Variants in FRMD4A observed in about 807,000 individuals in gnomAD.
FRMD4A encodes the protein FERM domain containing 4A.
FRMD4A carries 29 observed loss-of-function variants against 129.1 expected under a neutral mutation model. The ratio of observed to expected loss-of-function variants is 0.22; its 90% CI spans 0.17 to 0.31. The LOEUF is 0.31. Ranked by LOEUF, FRMD4A falls within the 10% of genes least tolerant of loss-of-function variation. FRMD4A has a pLI of 1.00. For synonymous variants in FRMD4A, 634 were observed against 571.6 expected, an observed-to-expected ratio of 1.11 and a Z score of -1.56; for missense variants, 1,272 against 1,375.8, an observed-to-expected ratio of 0.92 and a Z score of 1.19.
intron 9 of FRMD4A, among the ~76,000 whole-genome samples, chr10:13,740,823 G>GTTTTTTTTTTTT (rs369798483): frequency 2.9e-5 from 3 of 105,108 alleles, no homozygotes; most frequent in African/African-American, 3.9e-5. Flanking sequence ...TGTCTTGGAT[G>GTTTTTTTTTTTT]TTTGTTTTTT....
At chr10:13,690,505 T>G (rs1196933178) in intron 15 of FRMD4A, among the ~76,000 whole-genome samples, 1 of 152,226 alleles carries the variant, frequency 6.6e-6, no homozygotes, top group African/African-American at 2.4e-5. Context: ...CCCCCCACTG[T>G]CTTGGCCCTC....
intron 17 of FRMD4A, among the ~76,000 whole-genome samples, 170 bp downstream of exon 17, chr10:13,670,236 A>G (rs2083404363): frequency 6.6e-6 from 1 of 152,112 alleles, no homozygotes; most frequent in Admixed American, 6.5e-5. Context: ...AACTACTCCT[A>G]CCGAGGGGAA....
At chr10:14,082,471 C>A (rs543807860) in intron 2 of FRMD4A, among the ~76,000 whole-genome samples, 1 of 152,088 alleles carries the variant, frequency 6.6e-6, no homozygotes, top group Non-Finnish European at 1.5e-5. Context: ...GAGGGGTAGA[C>A]ATTGAGGATC....
chr10:14,008,777 T>C (rs2095671222), intron 2 of FRMD4A, among the ~76,000 whole-genome samples: 1 of 152,166 alleles, frequency 6.6e-6, no homozygotes, highest in Non-Finnish European at 1.5e-5. Flanking sequence ...TTTGAAATCA[T>C]AAATTCTATC....
rs2082542673 is a variant in FRMD4A, at chr10:13,660,367, A to G, written c.1847T>C (p.Leu616Ser). The G allele has an allele frequency of 6.2e-7, 1 of 1,613,970 alleles. No homozygotes were observed. Among genetic ancestry groups the G allele is most frequent in the Admixed American group, 1.7e-5 (1 of 60,008 alleles). The change falls in exon 20 of 25, where the codon TTA becomes TCA. Residue 616 changes from leucine (L) to serine (S), a missense_variant. By Grantham distance (145) the Leu-to-Ser change is moderately radical. This residue lies in a region of FRMD4A where 972 missense variants were observed against 892.3 expected (regional missense o/e 1.09). Transcript: ENST00000357447. ...CTTGACCTTCTCATAGGGTTCATCT[A>G]AAGAGGACTCACTCCACATTTTGGG... ...IKPKMWSESSLDEPYEKVKKR... is the reference protein window; with the variant it reads ...IKPKMWSESSSDEPYEKVKKR...
At chr10:14,266,667 G>GA (rs911118575) in intron 2 of FRMD4A, among the ~76,000 whole-genome samples, 2 of 152,076 alleles carry the variant, frequency 1.3e-5, no homozygotes, top group Non-Finnish European at 2.9e-5. Flanking sequence ...AATGGGAGGA[G>GA]AAAAAATCAT....
At chr10:13,681,221 T>C (rs2084550432) in intron 15 of FRMD4A, among the ~76,000 whole-genome samples, 1 of 152,208 alleles carries the variant, frequency 6.6e-6, no homozygotes, top group Non-Finnish European at 1.5e-5. Context: ...CTGCTCTCAT[T>C]TCAGTTACTG....
At chr10:14,125,930 G>A (rs1589029926) in intron 2 of FRMD4A, among the ~76,000 whole-genome samples, 1 of 150,754 alleles carries the variant, frequency 6.6e-6, no homozygotes. Flanking sequence ...TATGATAGAA[G>A]CAAACAAAAG....
chr10:14,280,982 ATTTTT>A (rs772555677), intron 2 of FRMD4A, among the ~76,000 whole-genome samples: 1,244 of 76,550 alleles, frequency 0.016, 18 homozygotes, highest in Middle Eastern at 0.032. Flanking sequence ...ACTGGTTTCA[ATTTTT>A]TTTTTTTTTT....
intron 2 of FRMD4A, among the ~76,000 whole-genome samples, chr10:13,947,420 A>G (rs769157091): frequency 1.2e-4 from 19 of 152,142 alleles, no homozygotes; most frequent in Non-Finnish European, 2.1e-4. Flanking sequence ...TGCAGAGTCC[A>G]CTGACTTAAA....
intron 2 of FRMD4A, among the ~76,000 whole-genome samples, chr10:14,096,081 A>G (rs925695916): frequency 5.9e-5 from 9 of 152,254 alleles, no homozygotes; most frequent in African/African-American, 2.2e-4. Context: ...GTTCCCCTCC[A>G]AAATTCATAT....
At chr10:14,251,733 C>T (rs1032612811) in intron 2 of FRMD4A, among the ~76,000 whole-genome samples, 8 of 152,164 alleles carry the variant, frequency 5.3e-5, no homozygotes, top group African/African-American at 1.9e-4. Context: ...GAGCCAGATT[C>T]CTGGGAGTTC....
chr10:13,958,866 C>G (rs978053872), intron 2 of FRMD4A, among the ~76,000 whole-genome samples: 1 of 152,006 alleles, frequency 6.6e-6, no homozygotes, highest in South Asian at 2.1e-4. Context: ...ATTACAGGCA[C>G]GAGCCACCGT....
chr10:14,196,961 T>A (rs987226853), intron 2 of FRMD4A, among the ~76,000 whole-genome samples: 3 of 152,174 alleles, frequency 2.0e-5, no homozygotes, highest in Non-Finnish European at 4.4e-5. Context: ...ATGTCAATAG[T>A]CTGAGGCCAG....
At chr10:14,096,270 G>T (rs1045710791) in intron 2 of FRMD4A, among the ~76,000 whole-genome samples, 1 of 152,164 alleles carries the variant, frequency 6.6e-6, no homozygotes, top group East Asian at 1.9e-4. Flanking sequence ...TGAGAAACGG[G>T]CCCTCACCAG....
In FRMD4A at chr10:13,657,411, C is replaced by T. The variant is rs2082259219; in HGVS notation, c.2178G>A (p.Gly726=). ...GKLLGSENDT[G]SPDFYTPRTR... ...TCCGCGGGGTGTAGAAGTCGGGGCT[C>T]CCGGTGTCGTTTTCCGAGCCCAGGA... The change falls in exon 22 of 25, where the codon GGG becomes GGA. Residue 726 remains glycine, a synonymous_variant. Coordinates refer to ENST00000357447, the MANE Select transcript of FRMD4A (RefSeq NM_018027.5). The T allele has an allele frequency of 2.5e-6, 4 of 1,612,882 alleles. No homozygotes were observed. The highest frequency in any genetic ancestry group is 1.6e-4 in the Middle Eastern group (1 of 6,080).
At chr10:14,234,340 C>T (rs769026749) in intron 2 of FRMD4A, among the ~76,000 whole-genome samples, 2 of 152,200 alleles carry the variant, frequency 1.3e-5, no homozygotes, top group African/African-American at 4.8e-5. Context: ...ATCACACTGA[C>T]CAAAACATCA....
At chr10:13,816,103 T>C (rs559260937) in intron 3 of FRMD4A, among the ~76,000 whole-genome samples, 1 of 152,366 alleles carries the variant, frequency 6.6e-6, no homozygotes, top group Non-Finnish European at 1.5e-5. Flanking sequence ...TTATATCTTT[T>C]GTTAAAAAAT....
At chr10:13,904,145 T>C (rs1426687487) in intron 2 of FRMD4A, among the ~76,000 whole-genome samples, 5 of 152,202 alleles carry the variant, frequency 3.3e-5, no homozygotes, top group Non-Finnish European at 1.5e-5. Context: ...GATGCGGAAG[T>C]GGCCTTTGTC....
Sources: allele counts gnomAD v4.1 joint callset (sites outside exome capture counted in the v4.1 genomes callset), GRCh38; gene constraint gnomAD v4.1.1; regional missense constraint gnomAD v4.1.1; transcripts MANE v1.5; gene names NCBI Gene and HGNC (gene_info 2026-07-23, HGNC 2026-07-21).